DSCAML1: variants seen among roughly 807,000 people sequenced by gnomAD.
DSCAML1 encodes cell adhesion molecule DSCAML1.
DSCAML1 carries 38 observed loss-of-function variants against 200.5 expected under a neutral mutation model. The ratio of observed to expected loss-of-function variants is 0.19; its 90% confidence interval spans 0.15 to 0.25. DSCAML1 has a LOEUF of 0.25. Among genes scored for constraint, DSCAML1 ranks in the 10% least tolerant of loss-of-function variants. The probability of loss-of-function intolerance (pLI) is 1.00; values close to 1 mark genes in which losing one functional copy is unlikely to be tolerated. For missense variants in DSCAML1, 2,223 were observed against 2,858.8 expected, an observed-to-expected ratio of 0.78 and a Z score of 5.07; for synonymous variants, 1,215 against 1,165.0, an observed-to-expected ratio of 1.04 and a Z score of -0.87.
At chr11:117,725,456 A>G (rs1332381280) in intron 3 of DSCAML1, among the ~76,000 whole-genome samples, 2 of 152,308 alleles carry the variant, frequency 1.3e-5, no homozygotes, top group South Asian at 2.1e-4. Context: ...ACTCTGATTG[A>G]GGCTCTGATC....
At chr11:117,549,484 G>A (rs2050433367) in intron 3 of DSCAML1, among the ~76,000 whole-genome samples, 1 of 152,232 alleles carries the variant, frequency 6.6e-6, no homozygotes, top group Admixed American at 6.5e-5. Context: ...CTATCAGTGT[G>A]ACCTTGCACA....
At chr11:117,605,769 C>T (rs778486433) in intron 3 of DSCAML1, among the ~76,000 whole-genome samples, 7 of 152,140 alleles carry the variant, frequency 4.6e-5, no homozygotes, top group South Asian at 2.1e-4. Context: ...GTAGAGAACT[C>T]GCTGGAGCCA....
In DSCAML1 at chr11:117,701,134, C is replaced by T. The variant is rs369814402; in HGVS notation, c.511+75657G>A. On this transcript the variant is annotated intron_variant, in intron 3 of 32. Transcript: ENST00000651296. ...TACAAAAATTAGCCGGGCATGGTGGCGTGCACCTGTAATCCCAGCTACCCA... is the reference window on the plus strand; with the variant it reads ...TACAAAAATTAGCCGGGCATGGTGGTGTGCACCTGTAATCCCAGCTACCCA... 4.1e-4 allele frequency among the ~76,000 whole-genome samples: 62 copies of T among 152,160 alleles called. No homozygotes were observed. In the South Asian group the frequency reaches 0.011, roughly 27 times the overall value.
At chr11:117,814,192 T>C (rs538573219) in intron 1 of DSCAML1, among the ~76,000 whole-genome samples, 1 of 150,898 alleles carries the variant, frequency 6.6e-6, no homozygotes, top group African/African-American at 2.4e-5. Context: ...TCTTCCCAAA[T>C]CCTATAAAAC....
intron 3 of DSCAML1, among the ~76,000 whole-genome samples, chr11:117,687,685 G>A (rs1257373287): frequency 6.6e-6 from 1 of 152,110 alleles, no homozygotes; most frequent in Non-Finnish European, 1.5e-5. Flanking sequence ...ACCCTGGAAG[G>A]TTAATATTAG....
intron 3 of DSCAML1, among the ~76,000 whole-genome samples, chr11:117,610,268 C>T (rs540355172): frequency 5.8e-4 from 89 of 152,182 alleles, no homozygotes; most frequent in Non-Finnish European, 6.6e-4. Context: ...CAGTTCCTCC[C>T]GCCCCCTTTT....
chr11:117,685,228 T>C (rs1256233359), intron 3 of DSCAML1, among the ~76,000 whole-genome samples: 2 of 152,214 alleles, frequency 1.3e-5, no homozygotes, highest in African/African-American at 4.8e-5. Flanking sequence ...CAAAGATCAT[T>C]TCATCAGGCT....
rs1231341487 is a variant in DSCAML1 at position 117,550,928 on chromosome 11, AC to A, written c.512-18407del. Among the ~76,000 whole-genome samples the A allele has an allele frequency of 5.9e-5, 9 of 152,230 alleles. No homozygotes were observed. In the East Asian group the frequency reaches 1.7e-3, roughly 29 times the overall value. ...CTCTCTTCCTGAAAATGCCCAGCTG[AC>A]CCCAAGTCAGGGTTTCTTCTTGCCC... On this transcript the variant is annotated intron_variant, in intron 3 of 32. Transcript: ENST00000651296.
intron 3 of DSCAML1, among the ~76,000 whole-genome samples, chr11:117,749,760 G>A (rs2054574999): frequency 6.6e-6 from 1 of 152,258 alleles, no homozygotes; most frequent in East Asian, 1.9e-4. Flanking sequence ...GTTGGCAGAA[G>A]CTCTGCCTGG....
chr11:117,477,349 A>AGT (rs5795087), intron 14 of DSCAML1, among the ~76,000 whole-genome samples: 20,610 of 139,930 alleles, frequency 0.15, 1,369 homozygotes, highest in Non-Finnish European at 0.18. Flanking sequence ...TGGTTCTGAA[A>AGT]GTGTGTGTGT....
chr11:117,575,842 C>T (rs1318187620), intron 3 of DSCAML1, among the ~76,000 whole-genome samples: 1 of 91,714 alleles, frequency 1.1e-5, no homozygotes. Context: ...AAAACAAAAA[C>T]AACCCAAAAC....
chr11:117,750,228 C>T (rs1262100908), intron 3 of DSCAML1, among the ~76,000 whole-genome samples: 2 of 152,158 alleles, frequency 1.3e-5, no homozygotes, highest in Non-Finnish European at 2.9e-5. Context: ...GGGACTCTGT[C>T]CCCAGCCTGC....
chr11:117,627,346 A>T (rs2052069893), intron 3 of DSCAML1, among the ~76,000 whole-genome samples: 1 of 152,064 alleles, frequency 6.6e-6, no homozygotes, highest in African/African-American at 2.4e-5. Flanking sequence ...CCACCATCTG[A>T]GGTGGGTTTT....
intron 3 of DSCAML1, among the ~76,000 whole-genome samples, chr11:117,633,982 C>T (rs2052225824): frequency 1.3e-5 from 2 of 152,206 alleles, no homozygotes; most frequent in Admixed American, 1.3e-4. Flanking sequence ...ATTTCAACAA[C>T]TGTGTATTAA....
rs778011515 is a variant in DSCAML1 at position 117,428,284 on chromosome 11, T to TGCGGC, written c.*39_*43dup. On this transcript the variant is annotated 3_prime_UTR_variant, in exon 33 of 33. Transcript: ENST00000651296. ...AAACAGCCGAGCTGGCGTGTGGGGCTGCGGCGCGGCGCGGTCCAGGCGTGG... is the reference window on the plus strand; with the variant it reads ...AAACAGCCGAGCTGGCGTGTGGGGCTGCGGCGCGGCGCGGCGCGGTCCAGGCGTGG... 2.1e-4 allele frequency: 237 copies of TGCGGC among 1,107,052 alleles called. 1 individual carries two copies. The highest frequency in any genetic ancestry group is 7.1e-4 in the Admixed American group (34 of 47,604). 68.6% of individuals were successfully genotyped at this position (1,107,052 alleles called of 1,614,324 possible). A position where few individuals can be genotyped will look rare whatever the true frequency, so the allele number is the denominator to read the frequency against.
At chr11:117,512,094 G>T (rs894152963) in intron 8 of DSCAML1, among the ~76,000 whole-genome samples, 1 of 152,182 alleles carries the variant, frequency 6.6e-6, no homozygotes, top group Non-Finnish European at 1.5e-5. Context: ...ACTGACCCTT[G>T]GCCCCACAGA....
At chr11:117,496,608 C>T (rs543892969) in intron 11 of DSCAML1, among the ~76,000 whole-genome samples, 9 of 152,314 alleles carry the variant, frequency 5.9e-5, no homozygotes, top group African/African-American at 2.2e-4. Flanking sequence ...CTTTATGGTA[C>T]CTTGGAGCTC....
intron 3 of DSCAML1, among the ~76,000 whole-genome samples, chr11:117,555,892 A>G (rs1183172239): frequency 8.4e-6 from 1 of 119,062 alleles, no homozygotes; most frequent in Non-Finnish European, 1.7e-5. Context: ...CTCTGAATGG[A>G]GTGAGGTTGG....
intron 20 of DSCAML1, among the ~76,000 whole-genome samples, chr11:117,450,137 G>C (rs1592596237): frequency 6.6e-6 from 1 of 152,220 alleles, no homozygotes; most frequent in African/African-American, 2.4e-5. Flanking sequence ...CGCTTATGCA[G>C]GGCAGAGCTC....
Sources: gnomAD v4.1 joint callset for allele counts (sites outside exome capture counted in the v4.1 genomes callset) on GRCh38, gnomAD v4.1.1 for gene constraint, MANE v1.5 for transcripts, NCBI Gene and HGNC (gene_info 2026-07-23, HGNC 2026-07-21) for gene names.